The following CRACD variants were observed in gnomAD, a reference collection of about 807,000 sequenced individuals.
The protein encoded by CRACD is capping protein inhibiting regulator of actin dynamics, also known as capping protein-inhibiting regulator of actin dynamics.
A neutral mutation model predicts 106.8 loss-of-function variants in CRACD; 56 were observed. The ratio of observed to expected loss-of-function variants is 0.52; its 90% CI spans 0.42 to 0.66. CRACD has a LOEUF of 0.66. CRACD is among the 30% of genes least tolerant of loss of function. CRACD has a pLI of 0.00. For missense variants in CRACD, 1,730 were observed against 1,623.2 expected (o/e 1.07, Z -1.13); for synonymous variants, 754 against 670.8 (o/e 1.12, Z -1.92).
intron 1 of CRACD, among the ~76,000 whole-genome samples, chr4:56,088,502 G>A (rs148075106): frequency 6.7e-4 from 101 of 151,274 alleles, no homozygotes; most frequent in Non-Finnish European, 7.2e-4. Flanking sequence ...CATGATGCCC[G>A]GCATTATAAG....
intron 2 of CRACD, among the ~76,000 whole-genome samples, chr4:56,206,279 AT>A (rs1463090767): frequency 6.6e-6 from 1 of 152,204 alleles, no homozygotes; most frequent in African/African-American, 2.4e-5. Context: ...GCTTCACTCC[AT>A]AAGGACATCT....
intron 2 of CRACD, among the ~76,000 whole-genome samples, chr4:56,257,574 A>C (rs1362515075): frequency 6.6e-6 from 1 of 151,550 alleles, no homozygotes; most frequent in Non-Finnish European, 1.5e-5. Flanking sequence ...ACACACCTCT[A>C]GTCCCAGCTA....
intron 1 of CRACD, among the ~76,000 whole-genome samples, chr4:56,085,888 C>G (rs1479395132): frequency 6.6e-6 from 1 of 152,076 alleles, no homozygotes; most frequent in East Asian, 1.9e-4. Context: ...TTATCTTTTT[C>G]CCTTAGATTT....
intron 2 of CRACD, among the ~76,000 whole-genome samples, chr4:56,267,839 G>T (rs1272072931): frequency 6.6e-6 from 1 of 152,120 alleles, no homozygotes; most frequent in Non-Finnish European, 1.5e-5. Context: ...AGAATGATAG[G>T]GTACCTTTTT....
chr4:56,144,174 A>T (rs149455914), intron 1 of CRACD, among the ~76,000 whole-genome samples: 16 of 152,322 alleles, frequency 1.1e-4, no homozygotes, highest in Admixed American at 2.6e-4. Flanking sequence ...GAAAAATGTT[A>T]AGTAGAACTA....
At chr4:56,050,329 A>G (rs572780318) in intron 1 of CRACD, among the ~76,000 whole-genome samples, 3 of 137,766 alleles carry the variant, frequency 2.2e-5, no homozygotes, top group Non-Finnish European at 4.8e-5. Context: ...GGGGGTGGTA[A>G]GTGGTGGTGG....
At chr4:56,094,945 AAGATAT>A (rs1733547136) in intron 1 of CRACD, among the ~76,000 whole-genome samples, 1 of 152,212 alleles carries the variant, frequency 6.6e-6, no homozygotes, top group Non-Finnish European at 1.5e-5. Flanking sequence ...CAGCTATTTC[AAGATAT>A]AGATTATTTA....
At chr4:56,219,740 G>A (rs1216208542) in intron 2 of CRACD, among the ~76,000 whole-genome samples, 1 of 152,182 alleles carries the variant, frequency 6.6e-6, no homozygotes, top group Admixed American at 6.5e-5. Context: ...TGTTTAGTAA[G>A]TGTTCATTGT....
At chr4:56,240,041 TC>T (rs201795579) in intron 2 of CRACD, among the ~76,000 whole-genome samples, 4 of 41,410 alleles carry the variant, frequency 9.7e-5, no homozygotes, top group Admixed American at 9.0e-4. Flanking sequence ...TTTCAATTAT[TC>T]TTTTTTTTAT....
chr4:56,285,154 A>C (rs1743264499), intron 3 of CRACD, among the ~76,000 whole-genome samples: 1 of 152,200 alleles, frequency 6.6e-6, no homozygotes, highest in Non-Finnish European at 1.5e-5. Context: ...ACTTTTAACC[A>C]TCAGATCTTG....
At chr4:56,137,975 G>A (rs2109873345) in intron 1 of CRACD, among the ~76,000 whole-genome samples, 1 of 152,268 alleles carries the variant, frequency 6.6e-6, no homozygotes, top group East Asian at 1.9e-4. Context: ...TTATTGGATA[G>A]CTTTTGCATT....
rs570697471 is a variant in CRACD, at chr4:56,219,364, T to C, written c.-189+39934T>C. Among the ~76,000 whole-genome samples the C allele has an allele frequency of 8.5e-5, 13 of 152,318 alleles. No homozygotes were observed. The South Asian group carries it at 2.7e-3, about 32-fold the overall frequency. ...TGTTCGTTTGTTTGTTTGTTTGTTTTTGAGACAGAGTCTTGCTCTTTCGCC... is the reference window on the plus strand; with the variant it reads ...TGTTCGTTTGTTTGTTTGTTTGTTTCTGAGACAGAGTCTTGCTCTTTCGCC... On this transcript the variant is annotated intron_variant, in intron 2 of 10. Transcript: ENST00000682029.
intron 2 of CRACD, among the ~76,000 whole-genome samples, chr4:56,226,177 C>T (rs1577763937): frequency 6.6e-6 from 1 of 152,134 alleles, no homozygotes; most frequent in Non-Finnish European, 1.5e-5. Flanking sequence ...GGAATCATGC[C>T]TTAATCATCA....
chr4:56,263,591 T>C (rs180960392), intron 2 of CRACD, among the ~76,000 whole-genome samples: 1 of 152,290 alleles, frequency 6.6e-6, no homozygotes, highest in Admixed American at 6.5e-5. Context: ...GAACCTGTTG[T>C]ATTGGATTGT....
chr4:56,060,901 A>T (rs1285033711), intron 1 of CRACD, among the ~76,000 whole-genome samples: 1 of 152,210 alleles, frequency 6.6e-6, no homozygotes, highest in Non-Finnish European at 1.5e-5. Flanking sequence ...CCTTCACCAG[A>T]CATCAAATCT....
intron 1 of CRACD, among the ~76,000 whole-genome samples, chr4:56,150,978 G>T (rs1451486866): frequency 2.0e-5 from 3 of 152,078 alleles, no homozygotes; most frequent in Non-Finnish European, 4.4e-5. Context: ...AGCTCTGTAT[G>T]AGGGTTTTCT....
chr4:56,100,920 G>T (rs1733755885), intron 1 of CRACD, among the ~76,000 whole-genome samples: 3 of 152,156 alleles, frequency 2.0e-5, no homozygotes, highest in Admixed American at 2.0e-4. Context: ...CAAGATTTTA[G>T]AGGGAAGTAA....
intron 2 of CRACD, among the ~76,000 whole-genome samples, chr4:56,227,368 TAA>T (rs10556164): frequency 0.34 from 51,395 of 151,870 alleles, 8,769 homozygotes; most frequent in South Asian, 0.43. Context: ...CAAAGGTGGG[TAA>T]AAAGAATCTC....
intron 7 of CRACD, 81 bp downstream of exon 7, chr4:56,313,460 G>A (rs1461486945): frequency 1.6e-6 from 2 of 1,285,430 alleles, no homozygotes; most frequent in Non-Finnish European, 2.2e-6. Flanking sequence ...TGGCATTGGG[G>A]TGGAGCCATG....
Sources: gnomAD v4.1 joint callset for allele counts (sites outside exome capture counted in the v4.1 genomes callset) on GRCh38, gnomAD v4.1.1 for gene constraint, MANE v1.5 for transcripts, NCBI Gene and HGNC (gene_info 2026-07-23, HGNC 2026-07-21) for gene names.